Variants in DLG2 observed in about 807,000 individuals in gnomAD.
DLG2 encodes the protein disks large homolog 2.
A neutral mutation model predicts 132.5 loss-of-function variants in DLG2; 45 were observed. That is an observed-to-expected ratio of 0.34 (90% CI 0.27 to 0.44). DLG2 has a LOEUF of 0.44. DLG2 is among the 20% of genes least tolerant of loss of function. The pLI, the probability that DLG2 is intolerant of heterozygous loss-of-function variation, is 1.00. For missense variants in DLG2, 1,045 were observed against 1,196.9 expected, an observed-to-expected ratio of 0.87 and a Z score of 1.87; for synonymous variants, 424 against 419.6, an observed-to-expected ratio of 1.01 and a Z score of -0.13.
intron 3 of DLG2, among the ~76,000 whole-genome samples, chr11:85,306,605 C>T (rs1333085306): frequency 6.6e-6 from 1 of 152,160 alleles, no homozygotes; most frequent in African/African-American, 2.4e-5. Flanking sequence ...GAGTCTTGCT[C>T]TGTGGCCCAG....
chr11:83,898,349 G>C lies in DLG2; in HGVS notation c.1497-23861C>G. 1.3e-5 allele frequency among the ~76,000 whole-genome samples: 2 copies of C among 151,900 alleles called. 1 individual carries two copies. The highest frequency in any genetic ancestry group is 4.2e-4 in the South Asian group (2 of 4,816). On this transcript the variant is annotated intron_variant, in intron 15 of 27. Coordinates refer to ENST00000376104, the MANE Select transcript of DLG2 (RefSeq NM_001142699.3). ...TCCATTACCTCAAGAAAACTATAAT[G>C]ACTGATTTTCTCATGCTAGGGAGCT...
intron 3 of DLG2, among the ~76,000 whole-genome samples, chr11:85,410,331 A>G (rs1401478060): frequency 1.3e-5 from 2 of 151,744 alleles, no homozygotes; most frequent in African/African-American, 4.8e-5. Flanking sequence ...GAATATTAAT[A>G]TATTTATTAG....
chr11:84,625,422 G>C (rs1016241769), intron 6 of DLG2, among the ~76,000 whole-genome samples: 1 of 152,124 alleles, frequency 6.6e-6, no homozygotes, highest in Non-Finnish European at 1.5e-5. Context: ...CATCAAGACT[G>C]GGATAATTAT....
At chr11:83,856,418 A>G (rs1266514114) in intron 16 of DLG2, among the ~76,000 whole-genome samples, 1 of 152,204 alleles carries the variant, frequency 6.6e-6, no homozygotes, top group Admixed American at 6.5e-5. Flanking sequence ...ACTGCTTTCC[A>G]CAATGGTTGG....
At chr11:83,993,598 T>C (rs562884186) in intron 11 of DLG2, among the ~76,000 whole-genome samples, 1 of 152,286 alleles carries the variant, frequency 6.6e-6, no homozygotes, top group African/African-American at 2.4e-5. Context: ...GGCTGTATGA[T>C]AGAATGTGAT....
intron 6 of DLG2, among the ~76,000 whole-genome samples, chr11:84,945,325 C>T (rs965486317): frequency 6.6e-5 from 10 of 152,176 alleles, no homozygotes; most frequent in East Asian, 1.9e-4. Context: ...GAGGTAACAC[C>T]GTGGTGTTCT....
chr11:84,253,115 C>T (rs867850904), intron 7 of DLG2, among the ~76,000 whole-genome samples: 18 of 151,798 alleles, frequency 1.2e-4, no homozygotes, highest in Middle Eastern at 3.4e-3. Flanking sequence ...CTCAATGGGA[C>T]GTATCTTGTG....
At chr11:84,342,690 A>G (rs956765230) in intron 7 of DLG2, among the ~76,000 whole-genome samples, 6 of 152,186 alleles carry the variant, frequency 3.9e-5, no homozygotes, top group Non-Finnish European at 7.4e-5. Flanking sequence ...TTAGCTTATT[A>G]TAACTACTTT....
At chr11:85,518,748 C>A (rs1466385154) in intron 3 of DLG2, among the ~76,000 whole-genome samples, 1 of 152,222 alleles carries the variant, frequency 6.6e-6, no homozygotes, top group Non-Finnish European at 1.5e-5. Flanking sequence ...AGCAGCCTCT[C>A]CCAACACAGG....
intron 4 of DLG2, among the ~76,000 whole-genome samples, chr11:85,193,584 C>T (rs2080790481): frequency 6.6e-6 from 1 of 152,084 alleles, no homozygotes. Context: ...GTGGGTGTGA[C>T]TTGGTGTCTC....
rs866311627 is a variant in DLG2 at position 85,037,888 on chromosome 11, A to C, written c.357+73773T>G. 7.2e-5 allele frequency among the ~76,000 whole-genome samples: 11 copies of C among 152,292 alleles called. 1 individual carries two copies. Among genetic ancestry groups the C allele is most frequent in the Middle Eastern group, 6.8e-3 (2 of 294 alleles). Reference sequence around the variant, plus strand: ...ATAGATCTTAAAATATCAAACAATAATATGGGTCATGTCTGAGTATGTGGC... The same window carrying C: ...ATAGATCTTAAAATATCAAACAATACTATGGGTCATGTCTGAGTATGTGGC... On this transcript the variant is annotated intron_variant, in intron 6 of 27. Transcript: ENST00000376104.
intron 6 of DLG2, among the ~76,000 whole-genome samples, chr11:84,918,301 GGCA>G (rs1470840817): frequency 6.6e-6 from 1 of 151,854 alleles, no homozygotes; most frequent in East Asian, 1.9e-4. Context: ...TATGATATAA[GGCA>G]GTATAAGATG....
At chr11:85,448,843 G>T (rs553793644) in intron 3 of DLG2, among the ~76,000 whole-genome samples, 1 of 152,142 alleles carries the variant, frequency 6.6e-6, no homozygotes, top group East Asian at 1.9e-4. Context: ...TTTCCTTTGA[G>T]CCTATCAAAC....
intron 9 of DLG2, among the ~76,000 whole-genome samples, chr11:84,137,326 T>A (rs571304697): frequency 2.0e-5 from 3 of 152,216 alleles, no homozygotes; most frequent in East Asian, 1.9e-4. Context: ...CCATACTCTA[T>A]CATTAAAGAG....
intron 6 of DLG2, among the ~76,000 whole-genome samples, chr11:84,988,090 T>C (rs1479966276): frequency 1.3e-5 from 2 of 151,288 alleles, no homozygotes; most frequent in Non-Finnish European, 3.0e-5. Flanking sequence ...CAAACATGAA[T>C]AGACAATTCT....
intron 17 of DLG2, among the ~76,000 whole-genome samples, chr11:83,816,205 A>C (rs2048865187): frequency 6.6e-6 from 1 of 152,184 alleles, no homozygotes; most frequent in South Asian, 2.1e-4. Context: ...TCCTTCCCAC[A>C]TTCCAGGACT....
intron 7 of DLG2, among the ~76,000 whole-genome samples, chr11:84,508,012 G>C (rs537803419): frequency 2.0e-5 from 3 of 152,300 alleles, no homozygotes; most frequent in South Asian, 2.1e-4. Context: ...TAGAGACACA[G>C]TGTACTTTTT....
intron 6 of DLG2, among the ~76,000 whole-genome samples, chr11:85,056,957 C>T (rs1236396475): frequency 6.6e-6 from 1 of 151,852 alleles, no homozygotes; most frequent in East Asian, 1.9e-4. Flanking sequence ...GAGAGTACTT[C>T]AGGTAGAAGG....
chr11:85,159,700 T>C (rs772136215), intron 4 of DLG2, among the ~76,000 whole-genome samples: 8 of 152,360 alleles, frequency 5.3e-5, no homozygotes, highest in Non-Finnish European at 8.8e-5. Flanking sequence ...TATGCAGCCA[T>C]TGGCTTGGCA....
Sources: gnomAD v4.1 joint callset for allele counts (sites outside exome capture counted in the v4.1 genomes callset) on GRCh38, gnomAD v4.1.1 for gene constraint, MANE v1.5 for transcripts, NCBI Gene and HGNC (gene_info 2026-07-23, HGNC 2026-07-21) for gene names.